CELF2: variants seen among roughly 807,000 people sequenced by gnomAD.
CELF2 encodes the protein CUGBP Elav-like family member 2, also known as CUG triplet repeat RNA-binding protein 2.
In CELF2, 8 loss-of-function variants were observed where a neutral mutation model predicts 62.6. The observed-to-expected ratio is 0.13, with a 90% CI of 0.07 to 0.23. The LOEUF (loss-of-function observed/expected upper bound fraction) is 0.23, where lower values mean the gene tolerates loss of function less well. CELF2 is among the 10% of genes least tolerant of loss of function. CELF2 has a pLI of 1.00. For missense variants in CELF2, 333 were observed against 671.0 expected (o/e 0.50, Z 5.56); for synonymous variants, 258 against 250.0 (o/e 1.03, Z -0.30).
At chr10:11,090,509 C>A (rs1246168369) in intron 1 of CELF2, among the ~76,000 whole-genome samples, 1 of 152,104 alleles carries the variant, frequency 6.6e-6, no homozygotes, top group Non-Finnish European at 1.5e-5. Context: ...TTAGAATACT[C>A]AGACATTTTA....
At chr10:10,732,994 T>C in the CELF2 span, among the ~76,000 whole-genome samples, 1 of 152,160 alleles carries the variant, frequency 6.6e-6, no homozygotes, top group African/African-American at 2.4e-5. Flanking sequence ...TCAGAAGAAA[T>C]CATCAAGCAG....
rs2096092379 is a variant in CELF2 at position 11,334,973 on chromosome 10, ATT to A, written c.*5921_*5922del. The A allele has an allele frequency of 6.6e-6, 1 of 152,236 alleles. No individual in the cohort carries two copies. Among genetic ancestry groups the A allele is most frequent in the African/African-American group, 2.4e-5 (1 of 41,454 alleles). The allele number at this position is 152,236 out of a possible 1,614,324, so 9.4% of individuals were successfully genotyped here. ...CTAATTGAATCCAGGAGCAGCTTTAATTATTAACACTAACGGAAGAGAAAAGA... is the reference window on the plus strand; with the variant it reads ...CTAATTGAATCCAGGAGCAGCTTTAAATTAACACTAACGGAAGAGAAAAGA... On this transcript the variant is annotated 3_prime_UTR_variant, in exon 13 of 13. Coordinates refer to ENST00000633077, the MANE Select transcript of CELF2 (RefSeq NM_001326342.2).
chr10:10,599,669 G>A, the CELF2 span, among the ~76,000 whole-genome samples: 18 of 149,810 alleles, frequency 1.2e-4, no homozygotes, highest in Admixed American at 4.0e-4. Flanking sequence ...CCTGCGACGT[G>A]TTTTTAATTT....
At chr10:10,755,715 T>C in the CELF2 span, among the ~76,000 whole-genome samples, 2 of 152,210 alleles carry the variant, frequency 1.3e-5, no homozygotes, top group Admixed American at 6.5e-5. Flanking sequence ...CACGTGATCC[T>C]TCCTATGCTG....
the CELF2 span, among the ~76,000 whole-genome samples, chr10:10,507,832 A>C: frequency 0.078 from 11,815 of 152,204 alleles, 732 homozygotes; most frequent in African/African-American, 0.17. Context: ...AAAAATTAGC[A>C]CATTCTAAGT....
the CELF2 span, among the ~76,000 whole-genome samples, chr10:10,526,655 C>T: frequency 1.3e-5 from 2 of 152,166 alleles, no homozygotes; most frequent in African/African-American, 2.4e-5. Context: ...AGCTCATCAC[C>T]CACCAACTCC....
upstream of CELF2, among the ~76,000 whole-genome samples, chr10:11,003,949 G>A (rs1225368207): frequency 6.6e-6 from 1 of 152,170 alleles, no homozygotes; most frequent in East Asian, 1.9e-4. The surrounding 1 kb of genome is among the most constrained non-coding windows in gnomAD (Gnocchi z 4.4). Context: ...AATAGGGATG[G>A]TGAGTGCTAT....
At chr10:10,714,774 C>T in the CELF2 span, among the ~76,000 whole-genome samples, 1 of 151,978 alleles carries the variant, frequency 6.6e-6, no homozygotes, top group East Asian at 1.9e-4. Flanking sequence ...CACATGCTTA[C>T]GGTTGAATTG....
the CELF2 span, among the ~76,000 whole-genome samples, chr10:10,727,122 C>T: frequency 6.6e-6 from 1 of 152,184 alleles, no homozygotes; most frequent in Non-Finnish European, 1.5e-5. Flanking sequence ...TCCGGCCAGG[C>T]CCCGCTTCCA....
At chr10:10,651,618 C>T in the CELF2 span, among the ~76,000 whole-genome samples, 3 of 146,800 alleles carry the variant, frequency 2.0e-5, no homozygotes, top group Non-Finnish European at 1.5e-5. Flanking sequence ...CACACTGACA[C>T]CTCACACGGC....
At chr10:10,529,362 C>A in the CELF2 span, among the ~76,000 whole-genome samples, 60 of 152,244 alleles carry the variant, frequency 3.9e-4, no homozygotes, top group African/African-American at 1.3e-3. Flanking sequence ...ACATAAAGAA[C>A]AAAAGACACA....
At chr10:10,584,069 G>T in the CELF2 span, among the ~76,000 whole-genome samples, 1 of 152,142 alleles carries the variant, frequency 6.6e-6, no homozygotes. Context: ...TTGATAGAGC[G>T]ATTAGCAGGT....
chr10:11,283,382 T>C (rs572378584), intron 8 of CELF2, among the ~76,000 whole-genome samples: 269 of 152,352 alleles, frequency 1.8e-3, no homozygotes, highest in African/African-American at 6.2e-3. Flanking sequence ...TTTTCTACTT[T>C]ATCCTCAGTG....
At chr10:10,946,014 G>A (rs1016473572) in intron 2 of CELF2, 1 of 152,704 alleles carries the variant, frequency 6.5e-6, no homozygotes, top group African/African-American at 2.4e-5. Context: ...CCCCCTTGGG[G>A]AGGAATTCAC....
rs145972915 is a variant in CELF2, at chr10:11,300,830, G to C, written c.976+12278G>C. ...TTGGTCAATGCAGGCGATTTTCTCC[G>C]TGTTTACAATGATTTTATTTCCTAA... is the stretch of plus-strand genomic sequence containing the variant. On this transcript the variant is annotated intron_variant, in intron 9 of 12. Coordinates refer to ENST00000633077, the MANE Select transcript of CELF2 (RefSeq NM_001326342.2). This position sits in a 1 kb window ranked among gnomAD's most constrained non-coding sequence, Gnocchi z 5.5. 4.6e-5 allele frequency among the ~76,000 whole-genome samples: 7 copies of C among 152,076 alleles called. No homozygotes were observed. Among genetic ancestry groups the C allele is most frequent in the African/African-American group, 1.7e-4 (7 of 41,352 alleles).
In CELF2 at chr10:11,143,768, C is replaced by T. The variant is rs1035107999; in HGVS notation, c.75-21718C>T. Reference sequence around the variant, plus strand: ...TTTTCAGTGTTCTGCCAAGCATCTACGTTAGAAAGTCTCTAGACATATATT... The same window carrying T: ...TTTTCAGTGTTCTGCCAAGCATCTATGTTAGAAAGTCTCTAGACATATATT... On this transcript the variant is annotated intron_variant, in intron 1 of 12. Coordinates refer to ENST00000633077, the MANE Select transcript of CELF2 (RefSeq NM_001326342.2). Among the ~76,000 whole-genome samples, 40 of 152,316 alleles carry T rather than the reference C, an allele frequency of 2.6e-4. No homozygotes were observed. In the East Asian group the frequency reaches 4.8e-3, roughly 18 times the overall value.
intron 1 of CELF2, among the ~76,000 whole-genome samples, chr10:11,057,243 G>A (rs535426412): frequency 8.0e-4 from 122 of 151,654 alleles, no homozygotes; most frequent in Admixed American, 2.8e-3. Flanking sequence ...TACGAGGTGC[G>A]CCTGCCTGTG....
intron 2 of CELF2, among the ~76,000 whole-genome samples, chr10:10,927,662 C>A (rs945768913): frequency 6.6e-6 from 1 of 152,086 alleles, no homozygotes; most frequent in African/African-American, 2.4e-5. Flanking sequence ...CTCTGGGCCT[C>A]AAGCACCTCT....
intron 1 of CELF2, among the ~76,000 whole-genome samples, chr10:10,853,019 C>T (rs111489737): frequency 3.3e-5 from 5 of 152,338 alleles, no homozygotes; most frequent in African/African-American, 1.2e-4. Flanking sequence ...CACTCTGTCA[C>T]TTAGCCTGGA....
Sources: gnomAD v4.1 joint callset for allele counts (sites outside exome capture counted in the v4.1 genomes callset) on GRCh38, gnomAD v4.1.1 for gene constraint, Gnocchi (gnomAD v3.1) non-coding constraint, MANE v1.5 for transcripts, NCBI Gene and HGNC (gene_info 2026-07-23, HGNC 2026-07-21) for gene names.